The following SORCS1 variants were observed in gnomAD, a reference collection of about 807,000 sequenced individuals.
SORCS1 encodes sortilin related VPS10 domain containing receptor 1, also known as VPS10 domain-containing receptor SorCS1.
Under a neutral mutation model 146.1 loss-of-function variants are expected in SORCS1, and 60 were observed. That is an observed-to-expected ratio of 0.41 (90% CI 0.33 to 0.51). The LOEUF (loss-of-function observed/expected upper bound fraction) is 0.51. Among genes scored for constraint, SORCS1 ranks in the 20% least tolerant of loss-of-function variants. The pLI, the probability that SORCS1 is intolerant of heterozygous loss-of-function variation, is 0.21. For missense variants in SORCS1, 1,352 were observed against 1,487.6 expected (o/e 0.91, Z 1.50); for synonymous variants, 637 against 584.0 (o/e 1.09, Z -1.31).
chr10:106,884,335 C>G (rs1950916738), intron 2 of SORCS1, among the ~76,000 whole-genome samples: 1 of 152,144 alleles, frequency 6.6e-6, no homozygotes, highest in South Asian at 2.1e-4. Flanking sequence ...TAAGCTATAA[C>G]CACCTTTCTC....
At chr10:106,613,328 A>T (rs1220145926) in intron 21 of SORCS1, among the ~76,000 whole-genome samples, 2 of 152,118 alleles carry the variant, frequency 1.3e-5, no homozygotes, top group Non-Finnish European at 2.9e-5. Flanking sequence ...AGAACTATCG[A>T]CCACCGTGCA....
intron 1 of SORCS1, among the ~76,000 whole-genome samples, chr10:106,972,160 T>C (rs1955814978): frequency 6.6e-6 from 1 of 152,074 alleles, no homozygotes; most frequent in Admixed American, 6.5e-5. Flanking sequence ...GGCAGGTGGA[T>C]CACCAGAGGT....
intron 10 of SORCS1, among the ~76,000 whole-genome samples, chr10:106,686,667 C>G (rs1852870033): frequency 6.6e-6 from 1 of 152,168 alleles, no homozygotes; most frequent in South Asian, 2.1e-4. Context: ...TGGCTTTTTC[C>G]TCCTCTTAAG....
intron 2 of SORCS1, among the ~76,000 whole-genome samples, chr10:106,837,518 T>C (rs1489923623): frequency 6.6e-6 from 1 of 151,302 alleles, no homozygotes; most frequent in East Asian, 1.9e-4. Context: ...TTCAGTTTTG[T>C]GTATTGGCTT....
At chr10:107,054,853 A>G (rs1960447778) in intron 1 of SORCS1, among the ~76,000 whole-genome samples, 1 of 152,234 alleles carries the variant, frequency 6.6e-6, no homozygotes, top group Non-Finnish European at 1.5e-5. Flanking sequence ...TAATGCAATT[A>G]ATAGTGAACT....
At chr10:107,104,251 G>C (rs1359878406) in intron 1 of SORCS1, among the ~76,000 whole-genome samples, 2 of 152,144 alleles carry the variant, frequency 1.3e-5, no homozygotes, top group African/African-American at 2.4e-5. Flanking sequence ...CTTGCTTTGG[G>C]TTATATTCAA....
chr10:106,598,453 G>T (rs1846043901), intron 23 of SORCS1, among the ~76,000 whole-genome samples: 1 of 151,642 alleles, frequency 6.6e-6, no homozygotes, highest in African/African-American at 2.4e-5. Context: ...GTAGAGATGG[G>T]ATTTCACCAT....
chr10:106,822,927 C>T (rs1184154569), intron 3 of SORCS1, among the ~76,000 whole-genome samples: 3 of 149,242 alleles, frequency 2.0e-5, no homozygotes, highest in Admixed American at 1.3e-4. Flanking sequence ...ATTACAGGCA[C>T]CTGCCACCGC....
At chr10:106,997,596 C>A (rs1400821769) in intron 1 of SORCS1, among the ~76,000 whole-genome samples, 2 of 152,128 alleles carry the variant, frequency 1.3e-5, no homozygotes, top group Non-Finnish European at 2.9e-5. Context: ...CAAGACCAGA[C>A]AGAGTTTCCT....
At chr10:106,716,902 G>A (rs1031115222) in intron 6 of SORCS1, among the ~76,000 whole-genome samples, 6 of 152,100 alleles carry the variant, frequency 3.9e-5, no homozygotes, top group African/African-American at 1.2e-4. Flanking sequence ...TTGGGATGCC[G>A]AGGCGGGTGG....
chr10:106,699,196 A>G lies in SORCS1; in HGVS notation c.1413+18T>C. 6.3e-7 allele frequency: 1 copy of G among 1,596,170 alleles called. No homozygotes were observed. The highest frequency in any genetic ancestry group is 8.5e-7 in the Non-Finnish European group (1 of 1,171,390). On this transcript the variant is annotated intron_variant, in intron 9 of 25. Coordinates refer to ENST00000263054, the MANE Select transcript of SORCS1 (RefSeq NM_052918.5). ...GGGCACTGCTGTGGCTTAGGACCAC[A>G]TATGCCTCGTGACATACCTCATAGA... is the stretch of plus-strand genomic sequence containing the variant.
intron 17 of SORCS1, among the ~76,000 whole-genome samples, chr10:106,653,939 GC>G (rs1358600234): frequency 6.6e-6 from 1 of 152,134 alleles, no homozygotes; most frequent in African/African-American, 2.4e-5. Context: ...GTAGGCCTGG[GC>G]ATGAAGCCCT....
chr10:107,157,970 A>G (rs891716676), intron 1 of SORCS1, among the ~76,000 whole-genome samples: 1 of 152,234 alleles, frequency 6.6e-6, no homozygotes, highest in Admixed American at 6.5e-5. Flanking sequence ...TAATTAAGAC[A>G]TACACAAAAA....
At position 106,769,823 on chromosome 10, in the gene SORCS1, C is replaced by T. The variant is rs145394613; in HGVS notation, c.885+6711G>A. Among the ~76,000 whole-genome samples, 478 of 152,232 alleles carry T rather than the reference C, an allele frequency of 3.1e-3. 1 individual carries two copies. Among genetic ancestry groups the T allele is most frequent in the African/African-American group, 0.011 (452 of 41,544 alleles). ...AATATTTAGAGTTTCCAGCCAGGCA[C>T]AGGGCTCACGCCTGTAATCCCAGCA... is the stretch of plus-strand genomic sequence containing the variant. On this transcript the variant is annotated intron_variant, in intron 4 of 25. Transcript: ENST00000263054.
At chr10:106,612,734 T>C (rs1161693489) in intron 21 of SORCS1, among the ~76,000 whole-genome samples, 1 of 152,096 alleles carries the variant, frequency 6.6e-6, no homozygotes, top group East Asian at 1.9e-4. Context: ...CCGTAGCCCC[T>C]TATTTTCTAA....
chr10:107,083,769 T>C (rs1963530745), intron 1 of SORCS1, among the ~76,000 whole-genome samples: 1 of 152,208 alleles, frequency 6.6e-6, no homozygotes, highest in Non-Finnish European at 1.5e-5. Flanking sequence ...GAGGGCTGCA[T>C]ATGAGCACTG....
chr10:106,741,371 G>C (rs1339676639), intron 5 of SORCS1, among the ~76,000 whole-genome samples: 1 of 152,182 alleles, frequency 6.6e-6, no homozygotes, highest in Non-Finnish European at 1.5e-5. Context: ...GGCTAAGGCA[G>C]GTGGATTGTT....
chr10:106,737,830 A>T (rs1477047540), intron 5 of SORCS1, among the ~76,000 whole-genome samples: 3 of 152,202 alleles, frequency 2.0e-5, no homozygotes, highest in Non-Finnish European at 4.4e-5. Flanking sequence ...ATGCACTTCA[A>T]CTGATCAAAA....
At chr10:107,046,650 G>A (rs1959482700) in intron 1 of SORCS1, among the ~76,000 whole-genome samples, 2 of 152,098 alleles carry the variant, frequency 1.3e-5, no homozygotes, top group Non-Finnish European at 2.9e-5. Context: ...GAAAAGAAGT[G>A]TATTTTTGAT....
Sources: allele counts gnomAD v4.1 joint callset (sites outside exome capture counted in the v4.1 genomes callset), GRCh38; gene constraint gnomAD v4.1.1; transcripts MANE v1.5; gene names NCBI Gene and HGNC (gene_info 2026-07-23, HGNC 2026-07-21).